The following SDK2 variants were observed in gnomAD, a reference collection of about 807,000 sequenced individuals.
SDK2 encodes sidekick cell adhesion molecule 2.
Under a neutral mutation model 253.9 loss-of-function variants are expected in SDK2, and 105 were observed. That is an observed-to-expected ratio of 0.41 (90% CI 0.35 to 0.49). The LOEUF is 0.49. Ranked by LOEUF, SDK2 falls within the 20% of genes least tolerant of loss-of-function variation. The pLI is 0.06. For synonymous variants in SDK2, 1,249 were observed against 1,234.9 expected, an observed-to-expected ratio of 1.01 and a Z score of -0.24; for missense variants, 2,608 against 3,003.0, an observed-to-expected ratio of 0.87 and a Z score of 3.07.
intron 5 of SDK2, among the ~76,000 whole-genome samples, chr17:73,442,292 T>A (rs1285585723): frequency 6.6e-6 from 1 of 151,960 alleles, no homozygotes; most frequent in Non-Finnish European, 1.5e-5. Context: ...AACATTTGCT[T>A]TGTAAGCCCC....
chr17:73,433,732 C>T lies in SDK2; in HGVS notation c.1312G>A (p.Gly438Arg). The T allele has an allele frequency of 6.3e-7, 1 of 1,595,448 alleles. No homozygotes were observed. Among genetic ancestry groups the T allele is most frequent in the Non-Finnish European group, 8.5e-7 (1 of 1,169,702 alleles). ...CTCTCTGAAGGTGTGTTCCATCTAC[C>T]TTTCTGCCAAGTGATAGCTGGTCGG... ...APRPAITWQKGERILASGSVQ... is the reference protein window; with the variant it reads ...APRPAITWQKRERILASGSVQ... The change falls in exon 10 of 45, where the codon GGG becomes AGG. Residue 438 changes from glycine to arginine, a missense_variant and splice_region_variant. This residue lies in a region of SDK2 where 1,505 missense variants were observed against 1,859.1 expected (regional missense o/e 0.81). Transcript: ENST00000392650.
chr17:73,392,743 T>C (rs923798464), intron 27 of SDK2, among the ~76,000 whole-genome samples: 1 of 151,582 alleles, frequency 6.6e-6, no homozygotes, highest in African/African-American at 2.4e-5. Flanking sequence ...CAAATGTCTG[T>C]GGTGGGCAGT....
intron 1 of SDK2, among the ~76,000 whole-genome samples, chr17:73,544,852 C>T (rs546276453): frequency 4.6e-5 from 7 of 152,182 alleles, no homozygotes; most frequent in Non-Finnish European, 1.0e-4. Flanking sequence ...GCTGTTCATC[C>T]AGGCTGCTGG....
chr17:73,599,042 A>G (rs1253481405), intron 1 of SDK2, among the ~76,000 whole-genome samples: 1 of 152,218 alleles, frequency 6.6e-6, no homozygotes, highest in African/African-American at 2.4e-5. Context: ...TGGAAAATGT[A>G]GCATCCCCCT....
At chr17:73,423,353 G>A (rs780907784) in intron 14 of SDK2, 33 bp downstream of exon 14, 196 of 1,376,454 alleles carry the variant, frequency 1.4e-4, no homozygotes, top group Non-Finnish European at 1.8e-4. Context: ...AAGCTTGGGC[G>A]GGAGGTGTTG....
chr17:73,481,049 C>T lies in SDK2; in HGVS notation c.225-8831G>A, dbSNP rs371737135. Among the ~76,000 whole-genome samples, 13 of 152,120 alleles carry T rather than the reference C, an allele frequency of 8.5e-5. No individual in the cohort carries two copies. The highest frequency in any genetic ancestry group is 2.4e-4 in the African/African-American group (10 of 41,410). The stretch of plus-strand genomic sequence containing the variant: ...GCTCCTGGCTGGGAGGCTACAGGGC[C>T]GCCATTTGAAGGGGAGGCAGCAGCC... On this transcript the variant is annotated intron_variant, in intron 2 of 44. Transcript: ENST00000392650. This position sits in a 1 kb window ranked among gnomAD's most constrained non-coding sequence, Gnocchi z 4.5.
intron 3 of SDK2, among the ~76,000 whole-genome samples, chr17:73,463,206 G>C (rs769852843): frequency 2.0e-5 from 3 of 152,264 alleles, no homozygotes; most frequent in African/African-American, 7.2e-5. Flanking sequence ...TGCCCTGCAG[G>C]GCTGATCCAA....
intron 1 of SDK2, among the ~76,000 whole-genome samples, chr17:73,539,377 G>C (rs2044829293): frequency 6.6e-6 from 1 of 152,116 alleles, no homozygotes; most frequent in African/African-American, 2.4e-5. Flanking sequence ...AGGGTCAGCG[G>C]GAAGGGAGAG....
intron 18 of SDK2, among the ~76,000 whole-genome samples, chr17:73,410,503 A>G (rs2063116831): frequency 6.6e-6 from 1 of 152,034 alleles, no homozygotes; most frequent in Non-Finnish European, 1.5e-5. Context: ...TTTTCAGTAG[A>G]GACAAGGTTT....
intron 12 of SDK2, among the ~76,000 whole-genome samples, chr17:73,425,632 C>G (rs1413305190): frequency 1.3e-5 from 2 of 152,246 alleles, no homozygotes; most frequent in East Asian, 3.9e-4. Flanking sequence ...CTCAGCCTCC[C>G]GAGTTGCTAG....
Position 73,642,786 on chromosome 17 carries a change from C to T in SDK2, c.64+1239G>A, listed in dbSNP as rs2046413842. On this transcript the variant is annotated intron_variant, in intron 1 of 44. Coordinates refer to ENST00000392650, the MANE Select transcript of SDK2 (RefSeq NM_001144952.2). This position sits in a 1 kb window ranked among gnomAD's most constrained non-coding sequence, Gnocchi z 4.7. ...ATTTATAGGGCTCGTTACAAAATTTCGAAGTGCTTTTATGTAAATTACCTC... is the reference window on the plus strand; with the variant it reads ...ATTTATAGGGCTCGTTACAAAATTTTGAAGTGCTTTTATGTAAATTACCTC... Among the ~76,000 whole-genome samples, 1 of 152,164 alleles carries T rather than the reference C, an allele frequency of 6.6e-6. No individual in the cohort carries two copies. The highest frequency in any genetic ancestry group is 1.5e-5 in the Non-Finnish European group (1 of 68,026).
At chr17:73,460,718 A>G (rs1048123912) in intron 3 of SDK2, among the ~76,000 whole-genome samples, 9 of 152,328 alleles carry the variant, frequency 5.9e-5, no homozygotes, top group Admixed American at 5.9e-4. Context: ...TGATCCTTAC[A>G]ATAACATGAC....
intron 3 of SDK2, among the ~76,000 whole-genome samples, chr17:73,459,828 T>G (rs1225334628): frequency 6.6e-6 from 1 of 152,170 alleles, no homozygotes; most frequent in African/African-American, 2.4e-5. Flanking sequence ...TGTGCCCAGC[T>G]AGGACAAAAC....
intron 4 of SDK2, among the ~76,000 whole-genome samples, chr17:73,454,906 G>A (rs975620394): frequency 2.6e-4 from 40 of 152,280 alleles, no homozygotes; most frequent in African/African-American, 9.1e-4. Flanking sequence ...GTTTTGCCAC[G>A]TTGCTCAGGC....
intron 27 of SDK2, 138 bp from the exon 28 acceptor site, chr17:73,391,676 C>T (rs1458679036): frequency 2.4e-5 from 10 of 417,308 alleles, no homozygotes; most frequent in Non-Finnish European, 4.3e-5. Flanking sequence ...GGAGTACTGC[C>T]CTGTGCCTGA....
intron 36 of SDK2, among the ~76,000 whole-genome samples, chr17:73,375,869 AAG>A (rs955272099): frequency 1.9e-4 from 27 of 145,674 alleles, no homozygotes; most frequent in Middle Eastern, 3.6e-3. Flanking sequence ...AAAAAAAAGA[AAG>A]AAAGAAATAA....
chr17:73,521,635 T>G lies in SDK2; in HGVS notation c.65-14038A>C, dbSNP rs565644733. 2.0e-4 allele frequency among the ~76,000 whole-genome samples: 30 copies of G among 152,254 alleles called. 1 individual carries two copies. In the South Asian group the frequency reaches 6.2e-3, roughly 32 times the overall value. ...TCCTCTGGGTTCTGGAGGGTGGGGA[T>G]GCATTTCCAATCACTCTCAAGTTTG... On this transcript the variant is annotated intron_variant, in intron 1 of 44. Coordinates refer to ENST00000392650, the MANE Select transcript of SDK2 (RefSeq NM_001144952.2).
At chr17:73,472,252 C>T (rs1318270171) in intron 2 of SDK2, 34 bp from the exon 3 acceptor site, 1 of 1,463,534 alleles carries the variant, frequency 6.8e-7, no homozygotes, top group South Asian at 1.2e-5. Context: ...GTGAGCAAGT[C>T]AGGCAGCTGC....
At chr17:73,615,574 C>G (rs1330228852) in intron 1 of SDK2, among the ~76,000 whole-genome samples, 1 of 152,168 alleles carries the variant, frequency 6.6e-6, no homozygotes, top group Non-Finnish European at 1.5e-5. Context: ...CCCCGTCCCT[C>G]CCTCCATCCC....
Sources: allele counts gnomAD v4.1 joint callset (sites outside exome capture counted in the v4.1 genomes callset), GRCh38; gene constraint gnomAD v4.1.1; regional missense constraint gnomAD v4.1.1; non-coding constraint Gnocchi (gnomAD v3.1); transcripts MANE v1.5; gene names NCBI Gene and HGNC (gene_info 2026-07-23, HGNC 2026-07-21).